The following BTN1A1 variants were observed in gnomAD, a reference collection of about 807,000 sequenced individuals.
BTN1A1 encodes the protein bK14H9.2 (butyrophilin, subfamily 1, member A1).
BTN1A1 carries 26 observed loss-of-function variants against 33.1 expected under a neutral mutation model. The ratio of observed to expected loss-of-function variants is 0.79; its 90% confidence interval spans 0.58 to 1.09. The LOEUF (loss-of-function observed/expected upper bound fraction) is 1.09, where lower values mean the gene tolerates loss of function less well. Among genes scored for constraint, BTN1A1 ranks in the 50% least tolerant of loss-of-function variants. The pLI is 0.00. For missense variants in BTN1A1, 558 were observed against 655.7 expected (o/e 0.85, Z 1.63); for synonymous variants, 235 against 256.2 (o/e 0.92, Z 0.79).
chr6:26,509,192 C>A lies in BTN1A1; in HGVS notation c.*18C>A. 6.3e-7 allele frequency: 1 copy of A among 1,585,510 alleles called. No homozygotes were observed. Among genetic ancestry groups the A allele is most frequent in the Non-Finnish European group, 8.6e-7 (1 of 1,163,134 alleles). ...CACCTTAAGGAATATCTCAGCTCAT[C>A]TGTTTTCCTTTCCTCTAACCCCTCT... On this transcript the variant is annotated 3_prime_UTR_variant, in exon 8 of 8. Transcript: ENST00000684113.
Position 26,508,545 on chromosome 6 carries a change from C to A in BTN1A1, c.952C>A (p.Leu318Ile), listed in dbSNP as rs754008731. Residue 318 changes from leucine (L) to isoleucine (I), a missense_variant, in exon 8 of 8, where the codon CTT becomes ATT. Physicochemically the swap from Leu to Ile is conservative, Grantham distance 5. Transcript: ENST00000684113. The part of the protein sequence containing the change: ...DPDTAHPHLF[L>I]YEDSKSVRLE... Reference sequence around the variant, plus strand: ...AGACACAGCTCATCCCCACCTCTTTCTTTATGAGGATTCAAAATCTGTTCG... The same window carrying A: ...AGACACAGCTCATCCCCACCTCTTTATTTATGAGGATTCAAAATCTGTTCG... 1.9e-6 allele frequency: 3 copies of A among 1,614,094 alleles called. No homozygotes were observed. The highest frequency in any genetic ancestry group is 2.7e-5 in the African/African-American group (2 of 75,054).
In BTN1A1 at chr6:26,507,949, G is replaced by A; in HGVS notation, c.860-1G>A. On this transcript the variant is annotated splice_acceptor_variant, in intron 5 of 7. Transcript: ENST00000684113. LOFTEE classifies it high-confidence loss of function. The stretch of plus-strand genomic sequence containing the variant: ...TTGAGGTATTTTTGTTTGTTTTCCA[G>A]AGAGACTCCTGGAAGAACTCAGTAA... The A allele has an allele frequency of 1.9e-6, 3 of 1,614,088 alleles. No homozygotes were observed. Among genetic ancestry groups the A allele is most frequent in the Non-Finnish European group, 2.5e-6 (3 of 1,179,996 alleles).
rs1407083342 is a variant in BTN1A1, at chr6:26,501,207, T to C, written c.-57-23T>C. The C allele has an allele frequency of 8.5e-7, 1 of 1,182,314 alleles. No individual in the cohort carries two copies. Among genetic ancestry groups the C allele is most frequent in the African/African-American group, 1.5e-5 (1 of 65,730 alleles). 73.2% of individuals were successfully genotyped at this position (1,182,314 alleles called of 1,614,324 possible). A position where few individuals can be genotyped will look rare whatever the true frequency, so the allele number is the denominator to read the frequency against. On this transcript the variant is annotated intron_variant, in intron 1 of 7. Coordinates refer to ENST00000684113, the MANE Select transcript of BTN1A1 (RefSeq NM_001732.3). This position sits in a 1 kb window ranked among gnomAD's most constrained non-coding sequence, Gnocchi z 5.2. ...GGAGGGTTGACAGAGCCGGTAGTTG[T>C]CTCCTGTCCATTCATCTCCTAGGCT...
Position 26,509,349 on chromosome 6 carries a change from CTG to C in BTN1A1, c.*177_*178del, listed in dbSNP as rs1188638904. On this transcript the variant is annotated 3_prime_UTR_variant, in exon 8 of 8. Coordinates refer to ENST00000684113, the MANE Select transcript of BTN1A1 (RefSeq NM_001732.3). ...AGGGTGGGGATTGCACCTTCCAAAT[CTG>C]TTTCTGTACCAATATTTGGGGGATG... The C allele has an allele frequency of 1.6e-6, 1 of 638,090 alleles. No individual in the cohort carries two copies. Among genetic ancestry groups the C allele is most frequent in the Non-Finnish European group, 2.6e-6 (1 of 378,950 alleles). 39.5% of individuals were successfully genotyped at this position (638,090 alleles called of 1,614,324 possible).
At chr6:26,500,934 T>TA (rs1763790311) in intron 1 of BTN1A1, among the ~76,000 whole-genome samples, 1 of 152,014 alleles carries the variant, frequency 6.6e-6, no homozygotes, top group African/African-American at 2.4e-5. Context: ...AATAAATAAA[T>TA]AAAAAGGAGA....
chr6:26,509,472 G>T lies in BTN1A1; in HGVS notation c.*298G>T, dbSNP rs1056710484. On this transcript the variant is annotated 3_prime_UTR_variant, in exon 8 of 8. Coordinates refer to ENST00000684113, the MANE Select transcript of BTN1A1 (RefSeq NM_001732.3). ...GAGCAAACTCAAAGGACAGATTAGG[G>T]ATCGAGATTGGGTCAGGTTAGCATG... The T allele has an allele frequency of 2.6e-5, 8 of 302,928 alleles. No homozygotes were observed. The highest frequency in any genetic ancestry group is 1.7e-4 in the African/African-American group (8 of 46,394). 18.8% of individuals were successfully genotyped at this position (302,928 alleles called of 1,614,324 possible).
Position 26,501,495 on chromosome 6 carries a change from G to A in BTN1A1, c.80-95G>A, listed in dbSNP as rs1763797395. ...AAACTCAGCTGTCAAAGGAGTAAGA[G>A]AGCGCGGGGCACTGCGCTTTGGCGG... is the stretch of plus-strand genomic sequence containing the variant. On this transcript the variant is annotated intron_variant, in intron 2 of 7. Transcript: ENST00000684113. The surrounding 1 kb of genome is among the most constrained non-coding windows in gnomAD (Gnocchi z 5.2). The A allele has an allele frequency of 1.9e-6, 3 of 1,584,298 alleles. No homozygotes were observed. The highest frequency in any genetic ancestry group is 1.7e-6 in the Non-Finnish European group (2 of 1,157,344).
chr6:26,500,417 C>T (rs762656978), intron 1 of BTN1A1, among the ~76,000 whole-genome samples, 59 bp downstream of exon 1: 7 of 152,090 alleles, frequency 4.6e-5, no homozygotes, highest in Non-Finnish European at 8.8e-5. Flanking sequence ...AGGGGCATAG[C>T]ATACTTCTCT....
At position 26,500,378 on chromosome 6, in the gene BTN1A1, C is replaced by T. The variant is rs772811811; in HGVS notation, c.-58+20C>T. Among the ~76,000 whole-genome samples, 4 of 152,128 alleles carry T rather than the reference C, an allele frequency of 2.6e-5. No homozygotes were observed. The highest frequency in any genetic ancestry group is 5.9e-5 in the Non-Finnish European group (4 of 68,030). On this transcript the variant is annotated intron_variant, in intron 1 of 7. Coordinates refer to ENST00000684113, the MANE Select transcript of BTN1A1 (RefSeq NM_001732.3). Reference sequence around the variant, plus strand: ...ACCCAGGTCAGTATGTGTGGTTACTCTCAGCTCCCTGAGGGAGTGAGCAGC... The same window carrying T: ...ACCCAGGTCAGTATGTGTGGTTACTTTCAGCTCCCTGAGGGAGTGAGCAGC...
chr6:26,500,812 G>C (rs1763788874), intron 1 of BTN1A1, among the ~76,000 whole-genome samples: 1 of 152,102 alleles, frequency 6.6e-6, no homozygotes, highest in South Asian at 2.1e-4. Context: ...CTACTCCGGA[G>C]GCTGAGGCAG....
intron 3 of BTN1A1, 106 bp from the exon 4 acceptor site, chr6:26,504,819 A>G (rs1763847719): frequency 2.6e-6 from 3 of 1,157,336 alleles, no homozygotes; most frequent in African/African-American, 1.6e-5. Context: ...CTACTAGTCC[A>G]CTTGTGCCTT....
At position 26,509,791 on chromosome 6, in the gene BTN1A1, A is replaced by C. The variant is rs1428624927; in HGVS notation, c.*617A>C. On this transcript the variant is annotated 3_prime_UTR_variant, in exon 8 of 8. Coordinates refer to ENST00000684113, the MANE Select transcript of BTN1A1 (RefSeq NM_001732.3). The stretch of plus-strand genomic sequence containing the variant: ...TGGGTCTGAGCTGTGGAAAAGGGAG[A>C]GCAGAGAGGAACTGAGATGAGCAGG... 1 of 152,396 alleles carries C rather than the reference A, an allele frequency of 6.6e-6. No individual in the cohort carries two copies. The highest frequency in any genetic ancestry group is 1.5e-5 in the Non-Finnish European group (1 of 68,224). 9.4% of individuals were successfully genotyped at this position (152,396 alleles called of 1,614,324 possible). A position where few individuals can be genotyped will look rare whatever the true frequency, so the allele number is the denominator to read the frequency against.
chr6:26,501,859 T>A lies in BTN1A1; in HGVS notation c.349T>A (p.Ser117Thr), dbSNP rs1255645859. ...VALRIRGVRV[S>T]DDGEYTCFFR... Reference sequence around the variant, plus strand: ...CTTGAGGATCCGTGGCGTCAGAGTCTCTGACGACGGGGAGTACACGTGCTT... The same window carrying A: ...CTTGAGGATCCGTGGCGTCAGAGTCACTGACGACGGGGAGTACACGTGCTT... The change falls in exon 3 of 8, where the codon TCT becomes ACT. Residue 117 changes from serine to threonine, a missense_variant. By Grantham distance (58) the Ser-to-Thr change is moderately conservative. Coordinates refer to ENST00000684113, the MANE Select transcript of BTN1A1 (RefSeq NM_001732.3). This position sits in a 1 kb window ranked among gnomAD's most constrained non-coding sequence, Gnocchi z 5.2. 3.7e-6 allele frequency: 6 copies of A among 1,610,168 alleles called. No individual in the cohort carries two copies. Among genetic ancestry groups the A allele is most frequent in the Non-Finnish European group, 5.1e-6 (6 of 1,177,338 alleles).
At position 26,508,933 on chromosome 6, in the gene BTN1A1, T is replaced by A; in HGVS notation, c.1340T>A (p.Phe447Tyr). Reference protein sequence around the residue: ...NMNDGSDIYTFSNVTFSGPLR... With the variant: ...NMNDGSDIYTYSNVTFSGPLR... ...AATGATGGATCTGATATCTATACTT[T>A]CTCCAATGTCACTTTCTCTGGCCCC... Residue 447 changes from phenylalanine to tyrosine, a missense_variant, in exon 8 of 8, where the codon TTC becomes TAC. Phe to Tyr is a conservative substitution (Grantham distance 22, BLOSUM62 3). Coordinates refer to ENST00000684113, the MANE Select transcript of BTN1A1 (RefSeq NM_001732.3). The A allele has an allele frequency of 6.2e-7, 1 of 1,614,206 alleles. No individual in the cohort carries two copies. The highest frequency in any genetic ancestry group is 1.1e-5 in the South Asian group (1 of 91,082).
At chr6:26,505,607 G>A (rs911268631) in intron 4 of BTN1A1, among the ~76,000 whole-genome samples, 6 of 152,046 alleles carry the variant, frequency 3.9e-5, no homozygotes, top group Admixed American at 6.6e-5. Flanking sequence ...TGTATTTTTA[G>A]CGAAGGCAGG....
intron 4 of BTN1A1, among the ~76,000 whole-genome samples, chr6:26,505,999 G>T (rs1763865178): frequency 6.6e-6 from 1 of 151,680 alleles, no homozygotes; most frequent in African/African-American, 2.4e-5. Context: ...GGTGCCTGTA[G>T]TCCCAGCTAC....
chr6:26,505,527 C>A (rs570083649), intron 4 of BTN1A1, among the ~76,000 whole-genome samples: 1 of 152,252 alleles, frequency 6.6e-6, no homozygotes, highest in Non-Finnish European at 1.5e-5. Flanking sequence ...CAGGTTCAAG[C>A]GATTCTCCTG....
intron 7 of BTN1A1, 131 bp from the exon 8 acceptor site, chr6:26,508,370 G>T: frequency 8.8e-7 from 1 of 1,132,944 alleles, no homozygotes; most frequent in African/African-American, 1.6e-5. Context: ...CCCTGAGCAG[G>T]CCAAACATCC....
rs201085850 is a variant in BTN1A1 at position 26,501,765 on chromosome 6, C to G, written c.255C>G (p.Ala85=). The change falls in exon 3 of 8, where the codon GCC becomes GCG. Residue 85 remains alanine, a synonymous_variant. Coordinates refer to ENST00000684113, the MANE Select transcript of BTN1A1 (RefSeq NM_001732.3). The surrounding 1 kb of genome is among the most constrained non-coding windows in gnomAD (Gnocchi z 5.2). The part of the protein sequence containing the change: ...LVHRDGREQE[A]EQMPEYRGRA... ...ATAGGGACGGGCGCGAGCAGGAAGC[C>G]GAGCAGATGCCCGAGTACCGCGGGC... 6.2e-7 allele frequency: 1 copy of G among 1,613,700 alleles called. No homozygotes were observed. The highest frequency in any genetic ancestry group is 2.2e-5 in the East Asian group (1 of 44,880).
Sources: allele counts gnomAD v4.1 joint callset (sites outside exome capture counted in the v4.1 genomes callset), GRCh38; gene constraint gnomAD v4.1.1; non-coding constraint Gnocchi (gnomAD v3.1); transcripts MANE v1.5; gene names NCBI Gene and HGNC (gene_info 2026-07-23, HGNC 2026-07-21).